Variants in KAZN observed in about 807,000 individuals in gnomAD.
The protein encoded by KAZN is kazrin.
KAZN carries 40 observed loss-of-function variants against 87.4 expected under a neutral mutation model. The observed-to-expected ratio is 0.46, with a 90% confidence interval of 0.36 to 0.60. The LOEUF (loss-of-function observed/expected upper bound fraction) is 0.60. Among genes scored for constraint, KAZN ranks in the 20% least tolerant of loss-of-function variants. The probability of loss-of-function intolerance (pLI) is 0.00; values close to 1 mark genes in which losing one functional copy is unlikely to be tolerated. For missense variants in KAZN, 898 were observed against 1,073.9 expected (o/e 0.84, Z 2.29); for synonymous variants, 466 against 458.3 (o/e 1.02, Z -0.22).
rs1639844973 is a variant in KAZN, at chr1:13,916,205, G to T, written c.91+22449G>T. ...CCCTGATGGGAGAGTTGGGACCCTG[G>T]ATGGAAAATCCCACACCAGCCGCAT... On this transcript the variant is annotated intron_variant, in intron 1 of 16. Coordinates refer to the KAZN transcript ENST00000636203. Among the ~76,000 whole-genome samples the T allele has an allele frequency of 2.6e-5, 4 of 152,276 alleles. No homozygotes were observed. The South Asian group carries it at 8.3e-4, about 32-fold the overall frequency.
At chr1:14,600,546 T>A (rs761932762) in intron 1 of KAZN, among the ~76,000 whole-genome samples, 15 of 151,848 alleles carry the variant, frequency 9.9e-5, no homozygotes, top group Non-Finnish European at 1.9e-4. Flanking sequence ...GAAGTAGCCA[T>A]GACGTAATGG....
intron 2 of KAZN, among the ~76,000 whole-genome samples, chr1:14,547,405 T>C (rs1557791399): frequency 1.3e-5 from 2 of 152,222 alleles, no homozygotes; most frequent in African/African-American, 4.8e-5. Flanking sequence ...TATGTGTTCA[T>C]AAAAAACTGA....
At chr1:14,760,060 C>G (rs565371311) in intron 1 of KAZN, among the ~76,000 whole-genome samples, 8 of 152,248 alleles carry the variant, frequency 5.3e-5, no homozygotes. Context: ...GGACACACCC[C>G]GAGGTGTAAC....
At chr1:13,963,692 A>C (rs778863246) in intron 1 of KAZN, among the ~76,000 whole-genome samples, 2 of 151,658 alleles carry the variant, frequency 1.3e-5, no homozygotes, top group African/African-American at 4.8e-5. Context: ...TCCATGAAAA[A>C]ACAAAAAAAC....
chr1:14,834,646 C>A (rs1047172897), intron 1 of KAZN, among the ~76,000 whole-genome samples: 9 of 152,158 alleles, frequency 5.9e-5, no homozygotes, highest in Non-Finnish European at 1.2e-4. Context: ...CAGGCGTGAG[C>A]CACTGCGCCC....
chr1:13,995,884 G>T (rs1267966189), intron 1 of KAZN, among the ~76,000 whole-genome samples: 1 of 152,176 alleles, frequency 6.6e-6, no homozygotes, highest in Admixed American at 6.5e-5. Flanking sequence ...TTTTGGCTTT[G>T]AAGCTCAACA....
intron 1 of KAZN, among the ~76,000 whole-genome samples, chr1:14,020,599 A>G (rs1362618886): frequency 6.6e-6 from 1 of 152,224 alleles, no homozygotes; most frequent in Non-Finnish European, 1.5e-5. Context: ...ATCTGAATGT[A>G]CTGTGCTGGA....
intron 1 of KAZN, among the ~76,000 whole-genome samples, chr1:14,808,590 A>C (rs11589977): frequency 0.11 from 16,660 of 151,690 alleles, 1,654 homozygotes; most frequent in East Asian, 0.49. Flanking sequence ...GAGCCACTGC[A>C]CCCGGCCAAG....
At chr1:14,691,733 C>G (rs185611845) in intron 1 of KAZN, among the ~76,000 whole-genome samples, 1 of 152,000 alleles carries the variant, frequency 6.6e-6, no homozygotes, top group African/African-American at 2.4e-5. Flanking sequence ...GTGATCTGCC[C>G]GCCTCAGCCT....
intron 1 of KAZN, among the ~76,000 whole-genome samples, chr1:14,666,678 C>T (rs577378788): frequency 2.0e-5 from 3 of 152,294 alleles, no homozygotes; most frequent in East Asian, 1.9e-4. Context: ...CTTGTAGCAA[C>T]GTCACTCCAG....
chr1:14,452,521 A>T (rs1263097658), intron 2 of KAZN, among the ~76,000 whole-genome samples: 1 of 152,178 alleles, frequency 6.6e-6, no homozygotes, highest in Non-Finnish European at 1.5e-5. Flanking sequence ...ATATACCTTG[A>T]GGGTTTGGAT....
At chr1:14,194,197 G>C (rs1250846325) in intron 2 of KAZN, among the ~76,000 whole-genome samples, 1 of 152,080 alleles carries the variant, frequency 6.6e-6, no homozygotes, top group African/African-American at 2.4e-5. Flanking sequence ...TGATACTTTA[G>C]AGGACGCATG....
chr1:14,991,020 G>A (rs141910346), intron 2 of KAZN, among the ~76,000 whole-genome samples: 2,898 of 151,668 alleles, frequency 0.019, 94 homozygotes, highest in African/African-American at 0.065. Flanking sequence ...CAGAAGCTAC[G>A]GGGAGGCCTA....
chr1:13,972,255 A>C (rs1642162786), intron 1 of KAZN, among the ~76,000 whole-genome samples: 2 of 149,864 alleles, frequency 1.3e-5, no homozygotes, highest in African/African-American at 4.9e-5. Flanking sequence ...ATGCCACCCT[A>C]CTTTTTTTCT....
chr1:14,647,947 G>T (rs1680931091), intron 1 of KAZN, among the ~76,000 whole-genome samples: 1 of 152,128 alleles, frequency 6.6e-6, no homozygotes, highest in African/African-American at 2.4e-5. Context: ...ATCTGCCAAG[G>T]TCCTTCCCAG....
At chr1:15,034,957 T>G in intron 3 of KAZN, 72 bp downstream of exon 3, 2 of 1,535,314 alleles carry the variant, frequency 1.3e-6, no homozygotes, top group Non-Finnish European at 1.8e-6. Flanking sequence ...GCTGGCCACC[T>G]TCACAGGCTC....
intron 1 of KAZN, among the ~76,000 whole-genome samples, chr1:14,068,821 C>T (rs1202015041): frequency 2.2e-5 from 3 of 139,514 alleles, no homozygotes; most frequent in Non-Finnish European, 3.0e-5. Flanking sequence ...TTTTTTGAGA[C>T]GGAGTCTTGT....
At chr1:14,553,762 C>A (rs920433296) in intron 2 of KAZN, among the ~76,000 whole-genome samples, 1 of 152,160 alleles carries the variant, frequency 6.6e-6, no homozygotes, top group Non-Finnish European at 1.5e-5. Flanking sequence ...TCCCAACCAC[C>A]GGGTGGTTGT....
intron 2 of KAZN, among the ~76,000 whole-genome samples, chr1:14,540,354 A>G (rs1022131180): frequency 1.3e-5 from 2 of 152,228 alleles, no homozygotes; most frequent in Non-Finnish European, 2.9e-5. Flanking sequence ...AATGGGGCAG[A>G]CATTATCACC....
Sources: allele counts gnomAD v4.1 joint callset (sites outside exome capture counted in the v4.1 genomes callset), GRCh38; gene constraint gnomAD v4.1.1; transcripts MANE v1.5; gene names NCBI Gene and HGNC (gene_info 2026-07-23, HGNC 2026-07-21).